The following TRDMT1 variants were observed in gnomAD, a reference collection of about 807,000 sequenced individuals.
The protein encoded by TRDMT1 is tRNA aspartic acid methyltransferase 1, also known as tRNA (cytosine(38)-C(5))-methyltransferase.
A neutral mutation model predicts 51.2 loss-of-function variants in TRDMT1; 49 were observed. The observed-to-expected ratio is 0.96, with a 90% CI of 0.76 to 1.21. The LOEUF (loss-of-function observed/expected upper bound fraction) is 1.21. Among genes scored for constraint, TRDMT1 ranks in the 50% most tolerant of loss-of-function variants. The pLI is 0.00. For synonymous variants in TRDMT1, 187 were observed against 164.6 expected, an observed-to-expected ratio of 1.14 and a Z score of -1.04; for missense variants, 534 against 462.3, an observed-to-expected ratio of 1.16 and a Z score of -1.42.
chr10:17,174,633 G>C lies in TRDMT1; in HGVS notation c.92C>G (p.Ala31Gly). ...RESCIPAQVV[A>G]AIDVNTVANE... ...AGCGACAGTGTTGACATCAATGGCA[G>C]CCACCACTTGTGCAGGTATACAGCT... The change falls in exon 2 of 11, where the codon GCT (alanine) becomes GGT (glycine). Residue 31 changes from alanine (A) to glycine (G), a missense_variant. Physicochemically the swap from Ala to Gly is moderately conservative, Grantham distance 60. Transcript: ENST00000377799. 1 of 1,613,892 alleles carries C rather than the reference G, an allele frequency of 6.2e-7. No homozygotes were observed. The highest frequency in any genetic ancestry group is 1.1e-5 in the South Asian group (1 of 91,050).
chr10:17,173,533 G>A (rs192231020), intron 2 of TRDMT1, among the ~76,000 whole-genome samples: 145 of 152,218 alleles, frequency 9.5e-4, no homozygotes, highest in African/African-American at 3.2e-3. Flanking sequence ...TGTCGCCTGG[G>A]TTGGGGTTGG....
chr10:17,158,594 G>A (rs1381042873), intron 7 of TRDMT1, among the ~76,000 whole-genome samples: 3 of 151,994 alleles, frequency 2.0e-5, no homozygotes, highest in Admixed American at 1.3e-4. Flanking sequence ...ATCCATCCCC[G>A]TTTTTTGACC....
chr10:17,191,921 G>A (rs1004997692), intron 1 of TRDMT1, among the ~76,000 whole-genome samples: 2 of 152,236 alleles, frequency 1.3e-5, no homozygotes, highest in African/African-American at 4.8e-5. Flanking sequence ...CTTCACCTGA[G>A]TCCAGGTACA....
At chr10:17,172,057 T>C (rs548099989) in intron 2 of TRDMT1, 4 of 167,110 alleles carry the variant, frequency 2.4e-5, no homozygotes, top group African/African-American at 9.6e-5. Context: ...ACAGAGATTA[T>C]TTTTGAAGCA....
At chr10:17,178,650 T>C (rs1034477880) in intron 1 of TRDMT1, among the ~76,000 whole-genome samples, 3 of 137,614 alleles carry the variant, frequency 2.2e-5, no homozygotes, top group African/African-American at 8.5e-5. Context: ...CACTCCAGCC[T>C]AGATGACAGA....
chr10:17,185,857 G>C (rs1422091702), intron 1 of TRDMT1, among the ~76,000 whole-genome samples: 1 of 152,054 alleles, frequency 6.6e-6, no homozygotes, highest in Non-Finnish European at 1.5e-5. Flanking sequence ...ATTGAACAAT[G>C]AGAACACTTG....
chr10:17,157,659 A>G lies in TRDMT1; in HGVS notation c.669T>C (p.Ser223=), dbSNP rs1217953837. Residue 223 remains serine, a synonymous_variant, in exon 8 of 11, where the codon TCT becomes TCC. Transcript: ENST00000377799. The part of the protein sequence containing the change: ...NISFDGSIQC[S]GKDAILFKLE... Reference sequence around the variant, plus strand: ...GCTTAAAAAGAATGGCATCTTTTCCAGAACACTGTATGCTGCCATCAAAGC... The same window carrying G: ...GCTTAAAAAGAATGGCATCTTTTCCGGAACACTGTATGCTGCCATCAAAGC... The G allele has an allele frequency of 1.2e-6, 2 of 1,613,470 alleles. No individual in the cohort carries two copies.
At chr10:17,192,771 T>G (rs1422422539) in intron 1 of TRDMT1, among the ~76,000 whole-genome samples, 1 of 152,172 alleles carries the variant, frequency 6.6e-6, no homozygotes, top group Non-Finnish European at 1.5e-5. Context: ...TAAACGTATT[T>G]GAACATCAAG....
chr10:17,145,502 G>C lies in TRDMT1; in HGVS notation c.*3538C>G. The C allele has an allele frequency of 1.0e-6, 1 of 985,404 alleles. No individual in the cohort carries two copies. Among genetic ancestry groups the C allele is most frequent in the Non-Finnish European group, 1.2e-6 (1 of 829,932 alleles). 61.0% of individuals were successfully genotyped at this position (985,404 alleles called of 1,614,324 possible). A position where few individuals can be genotyped will look rare whatever the true frequency, so the allele number is the denominator to read the frequency against. On this transcript the variant is annotated 3_prime_UTR_variant, in exon 11 of 11. Transcript: ENST00000377799. ...AATCACAGGCTACAAGAAAACTGCTGAGGCTATATGACCCTCACACAGTTT... is the reference window on the plus strand; with the variant it reads ...AATCACAGGCTACAAGAAAACTGCTCAGGCTATATGACCCTCACACAGTTT...
At position 17,160,035 on chromosome 10, in the gene TRDMT1, TATTTTCAAAA is replaced by T. The variant is rs1301309645; in HGVS notation, c.459+260_459+269del. Among the ~76,000 whole-genome samples, 21 of 152,298 alleles carry T rather than the reference TATTTTCAAAA, an allele frequency of 1.4e-4. No homozygotes were observed. In the South Asian group the frequency reaches 4.4e-3, roughly 32 times the overall value. ...AAGTTTGGAAATACCAAACTTGACG[TATTTTCAAAA>T]TATGCTATCCTTTGCTCTCTAAAAG... On this transcript the variant is annotated intron_variant, in intron 6 of 10. Transcript: ENST00000377799.
chr10:17,151,008 T>C (rs1309696463), intron 10 of TRDMT1: 1 of 934,160 alleles, frequency 1.1e-6, no homozygotes, highest in East Asian at 1.2e-4. Context: ...TGTGTGTGCA[T>C]GTGTGTGTGT....
intron 8 of TRDMT1, among the ~76,000 whole-genome samples, chr10:17,157,187 C>T (rs1022948490): frequency 6.6e-6 from 1 of 152,132 alleles, no homozygotes; most frequent in African/African-American, 2.4e-5. Flanking sequence ...GGTATTTAAG[C>T]TCCTATGAAG....
chr10:17,186,805 G>A (rs947901749), intron 1 of TRDMT1, among the ~76,000 whole-genome samples: 2 of 152,004 alleles, frequency 1.3e-5, no homozygotes, highest in Admixed American at 6.6e-5. Flanking sequence ...TGATTAATTC[G>A]AACAAATACT....
chr10:17,183,030 A>G (rs1231519466), intron 1 of TRDMT1, among the ~76,000 whole-genome samples: 1 of 152,234 alleles, frequency 6.6e-6, no homozygotes, highest in Non-Finnish European at 1.5e-5. Context: ...ATAAATTGAC[A>G]TAATTCTTCT....
At chr10:17,200,505 T>C (rs888959194) in intron 1 of TRDMT1, 8 of 168,042 alleles carry the variant, frequency 4.8e-5, no homozygotes, top group African/African-American at 9.6e-5. Flanking sequence ...CCATTAAATA[T>C]TGTCTGTATC....
At chr10:17,178,896 C>A (rs1842940365) in intron 1 of TRDMT1, among the ~76,000 whole-genome samples, 1 of 152,056 alleles carries the variant, frequency 6.6e-6, no homozygotes, top group South Asian at 2.1e-4. Flanking sequence ...AGACCACCAG[C>A]CAAAATACGG....
intron 1 of TRDMT1, among the ~76,000 whole-genome samples, chr10:17,198,398 C>T (rs1845728674): frequency 6.6e-6 from 1 of 152,210 alleles, no homozygotes; most frequent in South Asian, 2.1e-4. Flanking sequence ...ATTGATACAA[C>T]TCAAGTGTCT....
At chr10:17,161,430 A>T in intron 5 of TRDMT1, 53 bp downstream of exon 5, 2 of 1,246,242 alleles carry the variant, frequency 1.6e-6, no homozygotes, top group Non-Finnish European at 2.1e-6. Flanking sequence ...AACAGTTCCT[A>T]CTATAAGATA....
In TRDMT1 at chr10:17,141,450, G is replaced by A. The variant is rs1048043655; in HGVS notation, c.*7590C>T. Among the ~76,000 whole-genome samples the A allele has an allele frequency of 2.0e-5, 3 of 152,062 alleles. No homozygotes were observed. Among genetic ancestry groups the A allele is most frequent in the Admixed American group, 6.5e-5 (1 of 15,276 alleles). Reference sequence around the variant, plus strand: ...GCTGGGATTACAGGTGTCAGCCACCGCGCCCAGCCTCCAGCTGCTTTTAAG... The same window carrying A: ...GCTGGGATTACAGGTGTCAGCCACCACGCCCAGCCTCCAGCTGCTTTTAAG... On this transcript the variant is annotated 3_prime_UTR_variant, in exon 11 of 11. Transcript: ENST00000377799.
Sources: allele counts gnomAD v4.1 joint callset (sites outside exome capture counted in the v4.1 genomes callset), GRCh38; gene constraint gnomAD v4.1.1; transcripts MANE v1.5; gene names NCBI Gene and HGNC (gene_info 2026-07-23, HGNC 2026-07-21).